The following BICD1 variants were observed in gnomAD, a reference collection of about 807,000 sequenced individuals.
The protein encoded by BICD1 is protein bicaudal D homolog 1.
BICD1 carries 35 observed loss-of-function variants against 92.5 expected under a neutral mutation model. That is an observed-to-expected ratio of 0.38 (90% CI 0.29 to 0.50). The LOEUF is 0.50. Ranked by LOEUF, BICD1 falls within the 20% of genes least tolerant of loss-of-function variation. The probability of loss-of-function intolerance (pLI) is 0.93; values close to 1 mark genes in which losing one functional copy is unlikely to be tolerated. For synonymous variants in BICD1, 429 were observed against 465.1 expected, an observed-to-expected ratio of 0.92 and a Z score of 1.00; for missense variants, 950 against 1,189.8, an observed-to-expected ratio of 0.80 and a Z score of 2.97.
chr12:32,216,470 A>C lies in BICD1; in HGVS notation c.426+11A>C. 6.2e-7 allele frequency: 1 copy of C among 1,612,432 alleles called. No homozygotes were observed. Among genetic ancestry groups the C allele is most frequent in the Non-Finnish European group, 8.5e-7 (1 of 1,179,116 alleles). On this transcript the variant is annotated intron_variant, in intron 2 of 9. Coordinates refer to ENST00000652176, the MANE Select transcript of BICD1 (RefSeq NM_001714.4). ...CAGGATCTGAAGGAGGTAAATAAAC[A>C]AATTCCCTATGAGAGATTTGTGAGA...
intron 1 of BICD1, among the ~76,000 whole-genome samples, chr12:32,142,405 T>TAAAAAAAAAAAAAA (rs1162662533): frequency 1.6e-5 from 1 of 63,388 alleles, no homozygotes; most frequent in African/African-American, 6.8e-5. Context: ...AGACTCTGTC[T>TAAAAAAAAAAAAAA]AAAAAAAAAA....
chr12:32,134,102 C>A (rs1193705406), intron 1 of BICD1, among the ~76,000 whole-genome samples: 3 of 152,002 alleles, frequency 2.0e-5, no homozygotes, highest in African/African-American at 7.2e-5. Context: ...CTTTTTAAAC[C>A]AAAGTTAAAA....
rs1244152291 is a variant in BICD1 at position 32,337,601 on chromosome 12, G to A, written c.2355G>A (p.Gln785=). 4 of 1,614,170 alleles carry A rather than the reference G, an allele frequency of 2.5e-6. No homozygotes were observed. The highest frequency in any genetic ancestry group is 3.4e-6 in the Non-Finnish European group (4 of 1,180,034). The change falls in exon 7 of 10, where the codon CAG becomes CAA. Residue 785 remains glutamine, a synonymous_variant. Transcript: ENST00000652176. The surrounding 1 kb of genome is among the most constrained non-coding windows in gnomAD (Gnocchi z 4.7). ...ACACTTTGTTACGAATGGCTATCCA[G>A]CAAAAACTCGCCCTGACCCAGAGGC... ...TLNTLLRMAI[Q]QKLALTQRLE... is the part of the protein sequence containing the mutation.
In BICD1 at chr12:32,327,802, T is replaced by C. The variant is rs932275396; in HGVS notation, c.1347T>C (p.Thr449=). 1.9e-6 allele frequency: 3 copies of C among 1,614,066 alleles called. No individual in the cohort carries two copies. Among genetic ancestry groups the C allele is most frequent in the Admixed American group, 1.7e-5 (1 of 60,006 alleles). The change falls in exon 5 of 10, where the codon ACT becomes ACC. Residue 449 remains threonine, a synonymous_variant. Transcript: ENST00000652176. The part of the protein sequence containing the change: ...EKYNKSVENY[T]DEKAKYESKI... ...ATAATAAATCTGTAGAAAACTACAC[T>C]GATGAGAAGGCCAAGTATGAGAGTA...
chr12:32,150,377 A>G (rs1943254569), intron 1 of BICD1, among the ~76,000 whole-genome samples: 2 of 152,234 alleles, frequency 1.3e-5, no homozygotes, highest in African/African-American at 2.4e-5. Context: ...TAGGCAGGGA[A>G]AAGCGTATGT....
Position 32,107,131 on chromosome 12 carries a change from G to A in BICD1, c.-201G>A. On this transcript the variant is annotated 5_prime_UTR_variant, in exon 1 of 10. An upstream start codon of the reference 5' UTR is lost. Coordinates refer to ENST00000652176, the MANE Select transcript of BICD1 (RefSeq NM_001714.4). ...CCTGACCCTCTGCCCTGTTCTCCAT[G>A]TTGCATTTCTCGTCAGTTTCTCGGG... 5 of 604,594 alleles carry A rather than the reference G, an allele frequency of 8.3e-6. No homozygotes were observed. Among genetic ancestry groups the A allele is most frequent in the Middle Eastern group, 4.4e-4 (1 of 2,254 alleles). The allele number at this position is 604,594 out of a possible 1,614,324, so 37.5% of individuals were successfully genotyped here.
At chr12:32,273,991 G>A (rs1038089233) in intron 2 of BICD1, among the ~76,000 whole-genome samples, 19 of 152,264 alleles carry the variant, frequency 1.2e-4, no homozygotes, top group Non-Finnish European at 2.5e-4. Flanking sequence ...GTGTGCAGGT[G>A]GGCATTATTC....
chr12:32,348,210 T>C lies in BICD1; in HGVS notation c.2764+9231T>C, dbSNP rs564239299. Among the ~76,000 whole-genome samples, 107 of 152,332 alleles carry C rather than the reference T, an allele frequency of 7.0e-4. 2 individuals are homozygous for C. In the South Asian group the frequency reaches 0.021, roughly 30 times the overall value. ...TCATATTCAAAACCTGAGCATTGTATGCAAAATAAGCTATGATGAAAGGAT... is the reference window on the plus strand; with the variant it reads ...TCATATTCAAAACCTGAGCATTGTACGCAAAATAAGCTATGATGAAAGGAT... On this transcript the variant is annotated intron_variant, in intron 8 of 9. Coordinates refer to ENST00000652176, the MANE Select transcript of BICD1 (RefSeq NM_001714.4).
chr12:32,184,626 T>C (rs1231393617), intron 1 of BICD1, among the ~76,000 whole-genome samples: 2 of 152,164 alleles, frequency 1.3e-5, no homozygotes, highest in African/African-American at 2.4e-5. Context: ...CTAAAGAGAA[T>C]TTCCTTAGAA....
At chr12:32,305,009 G>T (rs1282206564) in intron 3 of BICD1, among the ~76,000 whole-genome samples, 1 of 151,706 alleles carries the variant, frequency 6.6e-6, no homozygotes, top group African/African-American at 2.4e-5. Context: ...GCAACAGAGC[G>T]AGACCCTCTC....
chr12:32,141,729 C>T (rs1402714051), intron 1 of BICD1, among the ~76,000 whole-genome samples: 1 of 152,218 alleles, frequency 6.6e-6, no homozygotes, highest in Non-Finnish European at 1.5e-5. Context: ...CCGCCTCAGC[C>T]TCCCAAAGTG....
At chr12:32,332,575 C>T (rs1407099795) in intron 5 of BICD1, 7 of 477,164 alleles carry the variant, frequency 1.5e-5, no homozygotes, top group Non-Finnish European at 1.9e-5. Flanking sequence ...AAGACTCAGC[C>T]TCCTGGGGAT....
At chr12:32,200,818 A>G (rs1944885025) in intron 1 of BICD1, among the ~76,000 whole-genome samples, 3 of 152,246 alleles carry the variant, frequency 2.0e-5, no homozygotes, top group African/African-American at 7.2e-5. Flanking sequence ...ATTACTTTAC[A>G]TGAGGACCAC....
intron 5 of BICD1, chr12:32,333,141 G>A (rs1937952989): frequency 1.0e-6 from 1 of 984,508 alleles, no homozygotes; most frequent in East Asian, 1.1e-4. Flanking sequence ...TTACAAATTT[G>A]TTACATCTAC....
chr12:32,338,872 A>C lies in BICD1; in HGVS notation c.2657A>C (p.Asp886Ala). Residue 886 changes from aspartate (D) to alanine (A), a missense_variant, in exon 8 of 10, where the codon GAT (aspartate) becomes GCT (alanine). Asp to Ala is a moderately radical substitution (Grantham distance 126). Transcript: ENST00000652176. ...YLQNLLRVPP[D>A]PTSTESFLLK... ...CAGAATTTATTAAGAGTTCCCCCTGATCCCACCTCCACAGAATCATTTCTT... is the reference window on the plus strand; with the variant it reads ...CAGAATTTATTAAGAGTTCCCCCTGCTCCCACCTCCACAGAATCATTTCTT... 3 of 1,607,970 alleles carry C rather than the reference A, an allele frequency of 1.9e-6. No homozygotes were observed. Among genetic ancestry groups the C allele is most frequent in the Non-Finnish European group, 2.5e-6 (3 of 1,177,560 alleles).
chr12:32,189,688 A>T (rs528788796), intron 1 of BICD1, among the ~76,000 whole-genome samples: 39 of 151,864 alleles, frequency 2.6e-4, no homozygotes, highest in African/African-American at 8.7e-4. Flanking sequence ...GGATAAGTAA[A>T]AGTGTAGTAA....
Position 32,119,563 on chromosome 12 carries a change from G to A in BICD1, c.213+12019G>A, listed in dbSNP as rs543385875. On this transcript the variant is annotated intron_variant, in intron 1 of 9. Transcript: ENST00000652176. ...TTGAGGACTAAATGACCCCATGGGC[G>A]TAGAAGTGTTTAGTAAGAAAATCTA... is the stretch of plus-strand genomic sequence containing the variant. Among the ~76,000 whole-genome samples, 76 of 151,530 alleles carry A rather than the reference G, an allele frequency of 5.0e-4. 3 individuals carry two copies. In the South Asian group the frequency reaches 0.011, roughly 22 times the overall value.
chr12:32,129,675 CTCTT>C (rs1211196411), intron 1 of BICD1, among the ~76,000 whole-genome samples: 4 of 152,082 alleles, frequency 2.6e-5, no homozygotes, highest in African/African-American at 9.7e-5. Flanking sequence ...TGGCCTAAAA[CTCTT>C]TCTTCAACAT....
intron 1 of BICD1, among the ~76,000 whole-genome samples, chr12:32,188,239 A>G (rs758447315): frequency 2.6e-4 from 40 of 152,178 alleles, no homozygotes; most frequent in Admixed American, 2.0e-4. Context: ...CGCCTGGCCA[A>G]CTATAAATGC....
Sources: gnomAD v4.1 joint callset for allele counts (sites outside exome capture counted in the v4.1 genomes callset) on GRCh38, gnomAD v4.1.1 for gene constraint, Gnocchi (gnomAD v3.1) non-coding constraint, MANE v1.5 for transcripts, NCBI Gene and HGNC (gene_info 2026-07-23, HGNC 2026-07-21) for gene names.